Variants in CADPS observed in about 807,000 individuals in gnomAD.
CADPS encodes calcium-dependent secretion activator 1.
In CADPS, 57 loss-of-function variants were observed where a neutral mutation model predicts 167.3. That is an observed-to-expected ratio of 0.34 (90% confidence interval 0.28 to 0.42). CADPS has a LOEUF of 0.42. Among genes scored for constraint, CADPS ranks in the 20% least tolerant of loss-of-function variants. CADPS has a pLI of 1.00. For synonymous variants in CADPS, 676 were observed against 635.3 expected, an observed-to-expected ratio of 1.06 and a Z score of -0.96; for missense variants, 1,414 against 1,738.1, an observed-to-expected ratio of 0.81 and a Z score of 3.32.
intron 6 of CADPS, among the ~76,000 whole-genome samples, chr3:62,622,282 C>T (rs1364450075): frequency 6.6e-6 from 1 of 152,064 alleles, no homozygotes; most frequent in Non-Finnish European, 1.5e-5. Context: ...TCGCTCTCAA[C>T]CACAAATGTT....
At chr3:62,795,990 G>A (rs1268421754) in intron 1 of CADPS, 4 of 152,260 alleles carry the variant, frequency 2.6e-5, no homozygotes, top group Admixed American at 2.0e-4. Flanking sequence ...GTGTGAGGAA[G>A]GGATGGCATG....
chr3:62,780,824 A>T (rs1484495617), intron 1 of CADPS, among the ~76,000 whole-genome samples: 3 of 152,148 alleles, frequency 2.0e-5, no homozygotes, highest in Non-Finnish European at 4.4e-5. Flanking sequence ...TTCCTTCATT[A>T]ATCAGTTAAA....
chr3:62,847,261 C>CTTTTTTTTTTTTTTTTTTTTTT (rs202175985), intron 1 of CADPS, among the ~76,000 whole-genome samples: 1 of 133,068 alleles, frequency 7.5e-6, no homozygotes, highest in Non-Finnish European at 1.6e-5. Context: ...GCAGCATTTT[C>CTTTTTTTTTTTTTTTTTTTTTT]TTTTTTTTTT....
chr3:62,792,061 T>A (rs760458529), intron 1 of CADPS, among the ~76,000 whole-genome samples: 3 of 152,196 alleles, frequency 2.0e-5, no homozygotes, highest in African/African-American at 7.2e-5. Flanking sequence ...CTGAATCTTA[T>A]GTGGCTTCAT....
At chr3:62,641,364 T>G (rs1458002237) in intron 6 of CADPS, among the ~76,000 whole-genome samples, 1 of 152,204 alleles carries the variant, frequency 6.6e-6, no homozygotes, top group African/African-American at 2.4e-5. Context: ...TTCACATAAT[T>G]TCATCTCACT....
At position 62,478,218 on chromosome 3, in the gene CADPS, G is replaced by T; in HGVS notation, c.3329+43C>A. The T allele has an allele frequency of 6.2e-7, 1 of 1,602,160 alleles. No individual in the cohort carries two copies. Among genetic ancestry groups the T allele is most frequent in the Non-Finnish European group, 8.5e-7 (1 of 1,170,428 alleles). Reference sequence around the variant, plus strand: ...TCTACCCTTCCCTGAGTCTGTGTATGGTGGGGAGGGTGTGCAGAACCTGTC... The same window carrying T: ...TCTACCCTTCCCTGAGTCTGTGTATTGTGGGGAGGGTGTGCAGAACCTGTC... On this transcript the variant is annotated intron_variant, in intron 23 of 29. Coordinates refer to ENST00000383710, the MANE Select transcript of CADPS (RefSeq NM_003716.4). The surrounding 1 kb of genome is among the most constrained non-coding windows in gnomAD (Gnocchi z 5.7).
At chr3:62,555,166 G>C (rs2077925805) in intron 10 of CADPS, among the ~76,000 whole-genome samples, 1 of 152,210 alleles carries the variant, frequency 6.6e-6, no homozygotes, top group Non-Finnish European at 1.5e-5. Context: ...TTAGCACATG[G>C]AAAGATAGAA....
chr3:62,401,095 C>T (rs1026897189), intron 29 of CADPS, among the ~76,000 whole-genome samples: 6 of 152,164 alleles, frequency 3.9e-5, no homozygotes, highest in African/African-American at 1.4e-4. Flanking sequence ...ATGCATCAAC[C>T]TGCAAGTCTT....
At chr3:62,676,124 C>G (rs185238018) in intron 3 of CADPS, among the ~76,000 whole-genome samples, 1 of 152,188 alleles carries the variant, frequency 6.6e-6, no homozygotes, top group Admixed American at 6.5e-5. Flanking sequence ...AATACTCTGC[C>G]CTTTTATGCT....
intron 18 of CADPS, among the ~76,000 whole-genome samples, chr3:62,497,519 A>G (rs2065023080): frequency 6.6e-6 from 1 of 152,166 alleles, no homozygotes; most frequent in Non-Finnish European, 1.5e-5. Flanking sequence ...AGAACATCCT[A>G]TAGGATAGCG....
intron 9 of CADPS, among the ~76,000 whole-genome samples, chr3:62,559,875 G>T (rs1483403598): frequency 1.3e-5 from 2 of 151,878 alleles, no homozygotes; most frequent in East Asian, 3.9e-4. Context: ...CAAACAGAGA[G>T]TTGCCGACAC....
At chr3:62,625,854 T>C (rs1364732611) in intron 6 of CADPS, 1 of 151,034 alleles carries the variant, frequency 6.6e-6, no homozygotes, top group African/African-American at 2.5e-5. Flanking sequence ...TTCCCCAGAA[T>C]GGAATCTTTA....
chr3:62,790,582 T>A (rs1410001309), intron 1 of CADPS, among the ~76,000 whole-genome samples: 2 of 152,192 alleles, frequency 1.3e-5, no homozygotes, highest in African/African-American at 4.8e-5. Context: ...GTTCAGCAAA[T>A]ATCATTTTGC....
intron 3 of CADPS, among the ~76,000 whole-genome samples, chr3:62,714,156 CAGCT>C (rs2083953663): frequency 6.6e-6 from 1 of 151,644 alleles, no homozygotes; most frequent in Non-Finnish European, 1.5e-5. Context: ...AACAAGGTCA[CAGCT>C]AGTTGGTACA....
chr3:62,660,747 G>A (rs2073006368), intron 4 of CADPS, among the ~76,000 whole-genome samples: 1 of 152,130 alleles, frequency 6.6e-6, no homozygotes, highest in East Asian at 1.9e-4. Flanking sequence ...ATCATCAGGA[G>A]CCTGATGCTA....
intron 1 of CADPS, among the ~76,000 whole-genome samples, chr3:62,839,569 C>A (rs1437339478): frequency 6.6e-6 from 1 of 152,110 alleles, no homozygotes; most frequent in African/African-American, 2.4e-5. Flanking sequence ...TGAGGCTAGA[C>A]CACGAAGGGC....
At position 62,437,226 on chromosome 3, in the gene CADPS, C is replaced by T. The variant is rs187816233; in HGVS notation, c.3777+878G>A. On this transcript the variant is annotated intron_variant, in intron 28 of 29. Transcript: ENST00000383710. ...AACATCAGCTTCCATGCACTCTGGCCGGGTCTACACTGGCAAATTCGGTGG... is the reference window on the plus strand; with the variant it reads ...AACATCAGCTTCCATGCACTCTGGCTGGGTCTACACTGGCAAATTCGGTGG... Among the ~76,000 whole-genome samples the T allele has an allele frequency of 2.3e-3, 354 of 151,952 alleles. 4 individuals are homozygous for T. The highest frequency in any genetic ancestry group is 0.019 in the Admixed American group (283 of 15,252).
chr3:62,680,212 C>A (rs1044397442), intron 3 of CADPS, among the ~76,000 whole-genome samples: 3 of 68,308 alleles, frequency 4.4e-5, no homozygotes, highest in African/African-American at 1.8e-4. Flanking sequence ...CAAGTTGAGT[C>A]AGCCATTTGG....
chr3:62,545,030 C>G (rs935117329), intron 11 of CADPS, among the ~76,000 whole-genome samples: 38 of 152,094 alleles, frequency 2.5e-4, no homozygotes, highest in Middle Eastern at 3.4e-3. Context: ...TCAACCTCCC[C>G]CAAACCAACA....
Sources: gnomAD v4.1 joint callset for allele counts (sites outside exome capture counted in the v4.1 genomes callset) on GRCh38, gnomAD v4.1.1 for gene constraint, Gnocchi (gnomAD v3.1) non-coding constraint, MANE v1.5 for transcripts, NCBI Gene and HGNC (gene_info 2026-07-23, HGNC 2026-07-21) for gene names.